WDR7: variants seen among roughly 807,000 people sequenced by gnomAD.
WDR7 encodes the protein WD repeat domain 7.
Under a neutral mutation model 169.4 loss-of-function variants are expected in WDR7, and 46 were observed. The ratio of observed to expected loss-of-function variants is 0.27; its 90% CI spans 0.21 to 0.35. The LOEUF (loss-of-function observed/expected upper bound fraction) is 0.35. WDR7 is among the 10% of genes least tolerant of loss of function. WDR7 has a pLI of 1.00. For missense variants in WDR7, 1,534 were observed against 1,859.3 expected (o/e 0.83, Z 3.22); for synonymous variants, 612 against 666.8 (o/e 0.92, Z 1.27).
At chr18:56,725,806 T>C (rs1231206951) in intron 13 of WDR7, among the ~76,000 whole-genome samples, 4 of 152,222 alleles carry the variant, frequency 2.6e-5, no homozygotes, top group Non-Finnish European at 5.9e-5. Flanking sequence ...TTTAAGTCTT[T>C]AATCCATCTT....
intron 13 of WDR7, among the ~76,000 whole-genome samples, chr18:56,730,703 T>A (rs2026565536): frequency 6.6e-6 from 1 of 152,052 alleles, no homozygotes; most frequent in Non-Finnish European, 1.5e-5. Context: ...GAGGCGGAAC[T>A]TGTAGTGAGC....
At chr18:57,036,401 C>T in the WDR7 span, 1 of 152,256 alleles carries the variant, frequency 6.6e-6, no homozygotes, top group African/African-American at 2.4e-5. Context: ...CCCAATAACC[C>T]ATCATGGGGA....
chr18:56,981,303 T>C (rs1458514217), intron 26 of WDR7, among the ~76,000 whole-genome samples: 3 of 152,028 alleles, frequency 2.0e-5, no homozygotes, highest in African/African-American at 7.3e-5. Flanking sequence ...AGAAGAAAAT[T>C]AATAGTTCAG....
At chr18:57,023,564 C>G (rs1286972512) in intron 27 of WDR7, among the ~76,000 whole-genome samples, 1 of 152,126 alleles carries the variant, frequency 6.6e-6, no homozygotes, top group Non-Finnish European at 1.5e-5. Context: ...TTCAAAGAAC[C>G]AGTTTTGTGA....
intron 25 of WDR7, among the ~76,000 whole-genome samples, chr18:56,958,383 CAAT>C (rs1471516341): frequency 6.6e-6 from 1 of 152,024 alleles, no homozygotes; most frequent in African/African-American, 2.4e-5. Flanking sequence ...TGCCCTATTT[CAAT>C]AATGGCATCA....
At chr18:56,905,324 T>G (rs879650535) in intron 21 of WDR7, among the ~76,000 whole-genome samples, 4 of 152,094 alleles carry the variant, frequency 2.6e-5, no homozygotes, top group Non-Finnish European at 4.4e-5. Context: ...AGTTTCTGTA[T>G]TTTTAGTAGA....
chr18:56,979,968 G>T (rs2047618606), intron 26 of WDR7, among the ~76,000 whole-genome samples: 2 of 152,218 alleles, frequency 1.3e-5, no homozygotes, highest in South Asian at 4.1e-4. Flanking sequence ...TTATGGTAAA[G>T]CAACCAGAGA....
intron 22 of WDR7, among the ~76,000 whole-genome samples, chr18:56,935,225 A>C (rs1255818772): frequency 6.6e-6 from 1 of 152,234 alleles, no homozygotes. Flanking sequence ...TTGGTGGAGC[A>C]TGCTGTTTAG....
chr18:56,726,101 T>A (rs911911505), intron 13 of WDR7, among the ~76,000 whole-genome samples: 1 of 152,232 alleles, frequency 6.6e-6, no homozygotes, highest in Non-Finnish European at 1.5e-5. Context: ...TGCCTCCAGC[T>A]TTGTTCTTTT....
chr18:56,973,311 A>G (rs2047519240), intron 26 of WDR7, among the ~76,000 whole-genome samples: 1 of 152,238 alleles, frequency 6.6e-6, no homozygotes, highest in Non-Finnish European at 1.5e-5. Flanking sequence ...CAAACTGAGC[A>G]GTTGTTATAG....
chr18:56,967,935 A>G (rs1275744917), intron 26 of WDR7, among the ~76,000 whole-genome samples: 2 of 152,248 alleles, frequency 1.3e-5, no homozygotes, highest in African/African-American at 2.4e-5. Context: ...AAAAAAGTCT[A>G]TACACATTAA....
intron 2 of WDR7, among the ~76,000 whole-genome samples, chr18:56,678,824 T>G (rs982316496): frequency 5.3e-5 from 8 of 152,144 alleles, no homozygotes; most frequent in Non-Finnish European, 1.5e-5. Flanking sequence ...CTCGTAGAGG[T>G]ACCGCCTTGA....
chr18:56,857,531 A>G (rs1404346185), intron 20 of WDR7, among the ~76,000 whole-genome samples: 1 of 152,174 alleles, frequency 6.6e-6, no homozygotes, highest in Non-Finnish European at 1.5e-5. Context: ...TGCTGGGATT[A>G]CAGGTGTGAG....
At chr18:56,715,674 G>A (rs2026176506) in intron 12 of WDR7, among the ~76,000 whole-genome samples, 1 of 152,018 alleles carries the variant, frequency 6.6e-6, no homozygotes, top group Non-Finnish European at 1.5e-5. Context: ...AAATATTATA[G>A]ATATAAAACA....
intron 27 of WDR7, among the ~76,000 whole-genome samples, chr18:57,025,456 A>C (rs2048354548): frequency 1.3e-5 from 2 of 152,328 alleles, no homozygotes; most frequent in South Asian, 4.1e-4. Context: ...TTTTGGGAAA[A>C]GGAGAGAAGG....
intron 20 of WDR7, among the ~76,000 whole-genome samples, chr18:56,839,224 T>C (rs890081388): frequency 3.9e-5 from 6 of 152,130 alleles, no homozygotes; most frequent in African/African-American, 1.4e-4. Context: ...AATCAGGGTC[T>C]GCATAAATTA....
intron 20 of WDR7, among the ~76,000 whole-genome samples, chr18:56,849,050 T>C (rs1210077096): frequency 1.3e-5 from 2 of 152,196 alleles, no homozygotes; most frequent in African/African-American, 4.8e-5. Flanking sequence ...CAGACTTATA[T>C]ATCAACTTTT....
At chr18:56,657,825 CCTTT>C (rs1468881657) in intron 1 of WDR7, among the ~76,000 whole-genome samples, 2 of 152,248 alleles carry the variant, frequency 1.3e-5, no homozygotes, top group South Asian at 2.1e-4. Context: ...ATTTTTACTT[CCTTT>C]CTATTAAGGA....
chr18:56,660,073 G>T (rs1008570896), intron 1 of WDR7, among the ~76,000 whole-genome samples: 1 of 152,096 alleles, frequency 6.6e-6, no homozygotes, highest in Non-Finnish European at 1.5e-5. Context: ...TTGGGATGTG[G>T]AATGTGTATG....
Sources: allele counts gnomAD v4.1 joint callset (sites outside exome capture counted in the v4.1 genomes callset), GRCh38; gene constraint gnomAD v4.1.1; transcripts MANE v1.5; gene names NCBI Gene and HGNC (gene_info 2026-07-23, HGNC 2026-07-21).